The following GPHN variants were observed in gnomAD, a reference collection of about 807,000 sequenced individuals.
GPHN encodes gephyrin.
GPHN carries 17 observed loss-of-function variants against 95.5 expected under a neutral mutation model. The observed-to-expected ratio is 0.18, with a 90% CI of 0.12 to 0.27. GPHN has a LOEUF of 0.27. Ranked by LOEUF, GPHN falls within the 10% of genes least tolerant of loss-of-function variation. GPHN has a pLI of 1.00. For synonymous variants in GPHN, 320 were observed against 322.5 expected (o/e 0.99, Z 0.08); for missense variants, 660 against 978.1 (o/e 0.67, Z 4.34).
chr14:67,490,726 C>A, the GPHN span, among the ~76,000 whole-genome samples: 1 of 152,174 alleles, frequency 6.6e-6, no homozygotes, highest in Non-Finnish European at 1.5e-5. Flanking sequence ...GGCCTGGAAC[C>A]TAACACTGGA....
chr14:66,962,880 CT>C (rs2069051471), intron 8 of GPHN, among the ~76,000 whole-genome samples: 1 of 151,704 alleles, frequency 6.6e-6, no homozygotes, highest in African/African-American at 2.4e-5. Context: ...AACCAGAATG[CT>C]TTTGAAAATG....
chr14:67,335,741 ACT>A, the GPHN span: 3 of 152,564 alleles, frequency 2.0e-5, no homozygotes, highest in East Asian at 1.9e-4. Context: ...CTGTATCTGC[ACT>A]GTTATTTTGA....
chr14:67,708,032 A>G, the GPHN span, among the ~76,000 whole-genome samples: 1 of 152,264 alleles, frequency 6.6e-6, no homozygotes, highest in African/African-American at 2.4e-5. Context: ...AAATGGAAAC[A>G]GATTCTTACT....
the GPHN span, among the ~76,000 whole-genome samples, chr14:67,293,753 C>G: frequency 6.6e-6 from 1 of 152,104 alleles, no homozygotes; most frequent in Non-Finnish European, 1.5e-5. Context: ...AACACACAGG[C>G]AAGTGAACTG....
Position 66,737,925 on chromosome 14 carries a change from T to C in GPHN, c.144-38539T>C, listed in dbSNP as rs934723585. ...TATTTTGAATGACAGCACAGGATTCTGTGCTGACTCAAGTTAGAGCAAGTT... is the reference window on the plus strand; with the variant it reads ...TATTTTGAATGACAGCACAGGATTCCGTGCTGACTCAAGTTAGAGCAAGTT... On this transcript the variant is annotated intron_variant, in intron 2 of 22. Coordinates refer to ENST00000478722, the MANE Select transcript of GPHN (RefSeq NM_020806.5). Among the ~76,000 whole-genome samples, 5 of 152,254 alleles carry C rather than the reference T, an allele frequency of 3.3e-5. No homozygotes were observed. In the South Asian group the frequency reaches 1.0e-3, roughly 31 times the overall value.
intron 4 of GPHN, among the ~76,000 whole-genome samples, chr14:66,855,547 T>G (rs111469775): frequency 5.2e-4 from 79 of 152,320 alleles, no homozygotes; most frequent in African/African-American, 1.6e-3. Context: ...ACACCTGGGT[T>G]GTTTTCATCT....
At chr14:66,777,095 A>G (rs1175675407) in intron 3 of GPHN, among the ~76,000 whole-genome samples, 32 of 151,892 alleles carry the variant, frequency 2.1e-4, no homozygotes, top group Admixed American at 9.2e-4. Context: ...AAAAAAAAAA[A>G]AGAGAGAAGA....
intron 1 of GPHN, among the ~76,000 whole-genome samples, chr14:66,560,967 G>C (rs930234591): frequency 6.6e-6 from 1 of 152,066 alleles, no homozygotes; most frequent in Non-Finnish European, 1.5e-5. Flanking sequence ...GTTGAATTTT[G>C]TCAAAGGCCT....
chr14:67,421,088 C>T, the GPHN span, among the ~76,000 whole-genome samples: 4 of 152,178 alleles, frequency 2.6e-5, no homozygotes, highest in South Asian at 2.1e-4. Context: ...GGACTGATCA[C>T]ATAATTTTTT....
chr14:67,521,827 T>TA, the GPHN span, among the ~76,000 whole-genome samples: 1 of 152,208 alleles, frequency 6.6e-6, no homozygotes, highest in Non-Finnish European at 1.5e-5. Context: ...CTCATACTTT[T>TA]AAGTATGGGT....
chr14:66,837,247 T>A (rs2153504872), intron 4 of GPHN, among the ~76,000 whole-genome samples: 1 of 151,812 alleles, frequency 6.6e-6, no homozygotes, highest in East Asian at 1.9e-4. Context: ...ATGTACACCA[T>A]GGAATACTAT....
At chr14:67,043,867 G>A (rs368327439) in intron 10 of GPHN, among the ~76,000 whole-genome samples, 6 of 152,058 alleles carry the variant, frequency 3.9e-5, no homozygotes, top group African/African-American at 1.4e-4. Context: ...ACTTTTTTTG[G>A]TTGGTAGGCT....
the GPHN span, among the ~76,000 whole-genome samples, chr14:67,454,953 G>C: frequency 6.6e-6 from 1 of 151,996 alleles, no homozygotes; most frequent in Non-Finnish European, 1.5e-5. Flanking sequence ...GGGTTTGAGT[G>C]ATTCTTGTGC....
At chr14:67,082,727 A>G (rs1160772762) in intron 11 of GPHN, among the ~76,000 whole-genome samples, 1 of 152,160 alleles carries the variant, frequency 6.6e-6, no homozygotes, top group African/African-American at 2.4e-5. Context: ...TAGTATGAAC[A>G]TTAACAATAT....
At chr14:67,352,907 GA>G in the GPHN span, 1 of 1,549,288 alleles carries the variant, frequency 6.5e-7, no homozygotes, top group South Asian at 1.2e-5. Flanking sequence ...ACTATTCTAA[GA>G]AAAGTTCATT....
At chr14:66,791,074 C>A (rs2153471510) in intron 3 of GPHN, among the ~76,000 whole-genome samples, 1 of 152,330 alleles carries the variant, frequency 6.6e-6, no homozygotes, top group Non-Finnish European at 1.5e-5. Context: ...GGGCCTTGAA[C>A]CCAAGTTCAT....
chr14:66,615,092 C>T (rs376080408), intron 1 of GPHN, among the ~76,000 whole-genome samples: 189 of 152,286 alleles, frequency 1.2e-3, no homozygotes, highest in African/African-American at 4.2e-3. Context: ...ATACGTATCA[C>T]ATTTTCTTTA....
At chr14:67,185,306 T>C (rs111886094), downstream of GPHN, among the ~76,000 whole-genome samples, 446 of 152,306 alleles carry the variant, frequency 2.9e-3, 4 homozygotes, top group African/African-American at 9.9e-3. Flanking sequence ...AGGACCCTGG[T>C]GGCCCAATGT....
chr14:67,427,205 G>T, the GPHN span, among the ~76,000 whole-genome samples: 1 of 152,164 alleles, frequency 6.6e-6, no homozygotes, highest in African/African-American at 2.4e-5. Context: ...TGTAATATTT[G>T]TGACAGTCCC....
Sources: gnomAD v4.1 joint callset for allele counts (sites outside exome capture counted in the v4.1 genomes callset) on GRCh38, gnomAD v4.1.1 for gene constraint, MANE v1.5 for transcripts, NCBI Gene and HGNC (gene_info 2026-07-23, HGNC 2026-07-21) for gene names.